Variants in CDH18 observed in about 807,000 individuals in gnomAD.
CDH18 encodes cadherin 18, also known as cadherin-18.
Under a neutral mutation model 67.9 loss-of-function variants are expected in CDH18, and 31 were observed. The observed-to-expected ratio is 0.46, with a 90% CI of 0.34 to 0.62. CDH18 has a LOEUF of 0.62. Ranked by LOEUF, CDH18 falls within the 20% of genes least tolerant of loss-of-function variation. CDH18 has a pLI of 0.01. For synonymous variants in CDH18, 362 were observed against 347.2 expected (o/e 1.04, Z -0.48); for missense variants, 890 against 975.5 (o/e 0.91, Z 1.17).
intron 6 of CDH18, among the ~76,000 whole-genome samples, chr5:19,592,497 C>T (rs1009565799): frequency 6.6e-6 from 1 of 151,690 alleles, no homozygotes; most frequent in Non-Finnish European, 1.5e-5. Context: ...TAATTTCTAC[C>T]AAGATTAAAT....
chr5:19,644,404 A>G (rs1192919644), intron 5 of CDH18, among the ~76,000 whole-genome samples: 1 of 152,158 alleles, frequency 6.6e-6, no homozygotes, highest in Non-Finnish European at 1.5e-5. Flanking sequence ...TAAGGGATTA[A>G]TATATGAAAG....
At chr5:19,723,186 T>G (rs2150586674) in intron 4 of CDH18, among the ~76,000 whole-genome samples, 1 of 152,212 alleles carries the variant, frequency 6.6e-6, no homozygotes, top group African/African-American at 2.4e-5. Flanking sequence ...GGAGAATTGC[T>G]TGAACCTGGG....
At chr5:20,343,339 T>G (rs1740425585) in intron 1 of CDH18, among the ~76,000 whole-genome samples, 1 of 152,096 alleles carries the variant, frequency 6.6e-6, no homozygotes, top group African/African-American at 2.4e-5. Context: ...AAGACTAATT[T>G]GAATTATAAA....
At chr5:19,730,247 C>T (rs994373120) in intron 4 of CDH18, among the ~76,000 whole-genome samples, 1 of 152,136 alleles carries the variant, frequency 6.6e-6, no homozygotes, top group Non-Finnish European at 1.5e-5. Flanking sequence ...AACTTGTTCT[C>T]AATTTTCTCT....
chr5:20,220,258 T>G (rs1307181370), intron 2 of CDH18, among the ~76,000 whole-genome samples: 1 of 151,748 alleles, frequency 6.6e-6, no homozygotes, highest in Non-Finnish European at 1.5e-5. Context: ...AAAACAACAA[T>G]GTAGTGATAT....
At chr5:20,198,241 T>C (rs937832657) in intron 2 of CDH18, among the ~76,000 whole-genome samples, 4 of 152,106 alleles carry the variant, frequency 2.6e-5, no homozygotes. Flanking sequence ...TTGGAACAGT[T>C]TGGAGGGCAA....
At chr5:19,805,601 C>T (rs1380458691) in intron 3 of CDH18, among the ~76,000 whole-genome samples, 1 of 152,160 alleles carries the variant, frequency 6.6e-6, no homozygotes, top group Non-Finnish European at 1.5e-5. Flanking sequence ...GCCCACAAAA[C>T]ACCCAGATGA....
intron 2 of CDH18, among the ~76,000 whole-genome samples, chr5:20,244,587 A>G: frequency 6.6e-6 from 1 of 152,270 alleles, no homozygotes; most frequent in African/African-American, 2.4e-5. Flanking sequence ...AATTTAAGTA[A>G]TAACTTAAGC....
chr5:19,888,825 T>C (rs1028997460), intron 2 of CDH18, among the ~76,000 whole-genome samples: 1 of 152,154 alleles, frequency 6.6e-6, no homozygotes, highest in Admixed American at 6.6e-5. Context: ...TTACTTGTTG[T>C]TGATTTCCAG....
At chr5:19,832,853 T>C (rs933844673) in intron 3 of CDH18, among the ~76,000 whole-genome samples, 1 of 152,086 alleles carries the variant, frequency 6.6e-6, no homozygotes, top group African/African-American at 2.4e-5. Context: ...TGTGGTGTTA[T>C]TTCTGAGGTC....
chr5:19,527,890 A>G (rs893595969), intron 9 of CDH18, among the ~76,000 whole-genome samples: 1 of 151,760 alleles, frequency 6.6e-6, no homozygotes, highest in African/African-American at 2.4e-5. Context: ...AATTCCTTAT[A>G]TATATCATTA....
chr5:19,678,285 C>T (rs547503949), intron 5 of CDH18, among the ~76,000 whole-genome samples: 7 of 150,308 alleles, frequency 4.7e-5, no homozygotes, highest in African/African-American at 1.2e-4. Context: ...AACACACTCT[C>T]GGACAACAGT....
chr5:19,987,547 AG>A (rs1799696103), intron 1 of CDH18, among the ~76,000 whole-genome samples: 1 of 152,114 alleles, frequency 6.6e-6, no homozygotes, highest in South Asian at 2.1e-4. Context: ...AAAAAAAAAA[AG>A]AATGAAAGAA....
At chr5:19,671,551 T>C (rs1232820961) in intron 5 of CDH18, among the ~76,000 whole-genome samples, 1 of 152,136 alleles carries the variant, frequency 6.6e-6, no homozygotes, top group East Asian at 1.9e-4. Context: ...AAAATTCACC[T>C]GATGAGAATT....
chr5:19,619,535 C>A (rs1161942523), intron 5 of CDH18, among the ~76,000 whole-genome samples: 6 of 152,024 alleles, frequency 3.9e-5, no homozygotes, highest in African/African-American at 1.4e-4. Context: ...ATATGCATGG[C>A]AATATTGGAC....
intron 1 of CDH18, among the ~76,000 whole-genome samples, chr5:20,318,206 G>T (rs1737648177): frequency 6.6e-6 from 1 of 152,136 alleles, no homozygotes; most frequent in Non-Finnish European, 1.5e-5. Flanking sequence ...TTATAGAAGA[G>T]AAATAAGTCA....
intron 1 of CDH18, among the ~76,000 whole-genome samples, chr5:20,410,739 T>A (rs576786222): frequency 8.6e-5 from 13 of 151,982 alleles, no homozygotes; most frequent in African/African-American, 3.1e-4. Flanking sequence ...TGCCATGATT[T>A]TATATGTAGA....
intron 3 of CDH18, among the ~76,000 whole-genome samples, chr5:19,790,120 C>T (rs922865223): frequency 2.6e-5 from 4 of 152,068 alleles, no homozygotes; most frequent in African/African-American, 9.7e-5. Context: ...CTATTTCAAG[C>T]TCCTTCATGG....
chr5:19,572,219 T>A (rs972626394), intron 7 of CDH18, among the ~76,000 whole-genome samples: 2 of 152,208 alleles, frequency 1.3e-5, no homozygotes, highest in Non-Finnish European at 2.9e-5. Flanking sequence ...GAAACTAAGA[T>A]GAACGGATGT....
Sources: gnomAD v4.1 joint callset for allele counts (sites outside exome capture counted in the v4.1 genomes callset) on GRCh38, gnomAD v4.1.1 for gene constraint, MANE v1.5 for transcripts, NCBI Gene and HGNC (gene_info 2026-07-23, HGNC 2026-07-21) for gene names.